The following FREM3 variants were observed in gnomAD, a reference collection of about 807,000 sequenced individuals.
FREM3 encodes the protein FRAS1-related extracellular matrix protein 3.
A neutral mutation model predicts 129.1 loss-of-function variants in FREM3; 105 were observed. The observed-to-expected ratio is 0.81, with a 90% CI of 0.69 to 0.96. The LOEUF is 0.96. FREM3 is among the 40% of genes least tolerant of loss of function. The pLI, the probability that FREM3 is intolerant of heterozygous loss-of-function variation, is 0.00. For synonymous variants in FREM3, 1,014 were observed against 1,044.9 expected (o/e 0.97, Z 0.57); for missense variants, 2,593 against 2,666.3 (o/e 0.97, Z 0.61).
chr4:143,643,355 T>C (rs1247669237), intron 2 of FREM3, among the ~76,000 whole-genome samples: 4 of 152,118 alleles, frequency 2.6e-5, no homozygotes, highest in Non-Finnish European at 5.9e-5. Context: ...AGCCAAGATA[T>C]TGGATCAGTG....
At position 143,621,147 on chromosome 4, in the gene FREM3, A is replaced by C; in HGVS notation, c.5669T>G (p.Ile1890Ser). ...TTCTATTTTGTATTCCGCCTCTGGA[A>C]TATAAACTGTTGATTCTAGAAAAGA... Reference protein sequence around the residue: ...VDPGDESTVYIPEAEYKIEED... With the variant: ...VDPGDESTVYSPEAEYKIEED... Residue 1890 changes from isoleucine (I) to serine (S), a missense_variant, in exon 5 of 8, where the codon ATT (isoleucine) becomes AGT (serine). Physicochemically the swap from Ile to Ser is moderately radical, Grantham distance 142. Transcript: ENST00000329798. 2 of 1,537,186 alleles carry C rather than the reference A, an allele frequency of 1.3e-6. No individual in the cohort carries two copies. Among genetic ancestry groups the C allele is most frequent in the South Asian group, 2.4e-5 (2 of 84,050 alleles).
At chr4:143,615,765 A>C (rs750817997) in intron 5 of FREM3, among the ~76,000 whole-genome samples, 1 of 152,164 alleles carries the variant, frequency 6.6e-6, no homozygotes, top group Non-Finnish European at 1.5e-5. Context: ...ATTAAAAATA[A>C]CTAAAACAAA....
At chr4:143,679,174 T>C (rs1740203820) in intron 2 of FREM3, among the ~76,000 whole-genome samples, 1 of 152,210 alleles carries the variant, frequency 6.6e-6, no homozygotes, top group Admixed American at 6.5e-5. Flanking sequence ...ATTTAAAAAA[T>C]ACCACTAAAT....
intron 2 of FREM3, among the ~76,000 whole-genome samples, chr4:143,665,368 AT>A (rs1739839520): frequency 6.6e-6 from 1 of 152,048 alleles, no homozygotes; most frequent in Admixed American, 6.6e-5. Context: ...TTATTAACTT[AT>A]CCCCCATTAG....
In FREM3 at chr4:143,585,717, G is replaced by T; in HGVS notation, c.6178+127C>A. 2 of 901,202 alleles carry T rather than the reference G, an allele frequency of 2.2e-6. No individual in the cohort carries two copies. Among genetic ancestry groups the T allele is most frequent in the Non-Finnish European group, 3.3e-6 (2 of 612,498 alleles). The allele number at this position is 901,202 out of a possible 1,614,324, so 55.8% of individuals were successfully genotyped here. A position where few individuals can be genotyped will look rare whatever the true frequency, so the allele number is the denominator to read the frequency against. Reference sequence around the variant, plus strand: ...CATTATGTATACAAACCATCTACGTGCTGAAGCCAGAGAAACTTTCATTCA... The same window carrying T: ...CATTATGTATACAAACCATCTACGTTCTGAAGCCAGAGAAACTTTCATTCA... On this transcript the variant is annotated intron_variant, in intron 7 of 7. Transcript: ENST00000329798. The surrounding 1 kb of genome is among the most constrained non-coding windows in gnomAD (Gnocchi z 4.2).
chr4:143,693,044 ATT>A, intron 2 of FREM3, 67 bp downstream of exon 2: 1 of 766,292 alleles, frequency 1.3e-6, no homozygotes, highest in South Asian at 2.2e-5. Context: ...AAATGATTTA[ATT>A]TTTTTTCCAA....
chr4:143,621,295 G>T, intron 4 of FREM3, 133 bp from the exon 5 acceptor site: 1 of 844,368 alleles, frequency 1.2e-6, no homozygotes, highest in Admixed American at 2.8e-5. Flanking sequence ...TAAATATAGT[G>T]AGAATGGGAA....
chr4:143,616,178 A>C (rs1560845625), intron 5 of FREM3, among the ~76,000 whole-genome samples: 1 of 152,234 alleles, frequency 6.6e-6, no homozygotes, highest in Non-Finnish European at 1.5e-5. Flanking sequence ...TGGAATAATA[A>C]CTTTAAAATG....
intron 6 of FREM3, among the ~76,000 whole-genome samples, chr4:143,607,828 T>C (rs1359139529): frequency 6.6e-6 from 1 of 152,158 alleles, no homozygotes; most frequent in East Asian, 1.9e-4. Flanking sequence ...ATAAATTTAT[T>C]CCATTACAGT....
intron 5 of FREM3, among the ~76,000 whole-genome samples, chr4:143,616,776 G>C (rs1040926947): frequency 4.8e-4 from 71 of 147,162 alleles, no homozygotes; most frequent in Non-Finnish European, 8.8e-5. Flanking sequence ...CTGGGCAACA[G>C]AGCGAGACTC....
intron 2 of FREM3, among the ~76,000 whole-genome samples, chr4:143,658,783 G>A (rs78823063): frequency 0.051 from 7,775 of 152,280 alleles, 469 homozygotes; most frequent in East Asian, 0.19. Context: ...TTCTTCTAAA[G>A]TGGCCCAGAA....
chr4:143,699,809 G>A lies in FREM3; in HGVS notation c.867C>T (p.His289=), dbSNP rs758749141. 1.5e-5 allele frequency: 23 copies of A among 1,536,490 alleles called. No individual in the cohort carries two copies. The African/African-American group carries it at 3.1e-4, about 21-fold the overall frequency. ...AGSAGVLVRE[H]FQLLVRIRGG... ...CGCGGATCCTCACGAGCAGCTGGAA[G>A]TGCTCGCGGACCAGCACACCCGCGG... The change falls in exon 1 of 8, where the codon CAC becomes CAT. Residue 289 remains histidine (H), a synonymous_variant. Coordinates refer to ENST00000329798, the MANE Select transcript of FREM3 (RefSeq NM_001168235.2). This position sits in a 1 kb window ranked among gnomAD's most constrained non-coding sequence, Gnocchi z 4.2.
intron 6 of FREM3, among the ~76,000 whole-genome samples, chr4:143,601,092 T>TA (rs111554475): frequency 0.077 from 11,652 of 152,116 alleles, 1,285 homozygotes; most frequent in African/African-American, 0.25. Context: ...TGTTTTATAA[T>TA]ATGACTAGCC....
intron 6 of FREM3, among the ~76,000 whole-genome samples, chr4:143,593,036 A>C (rs1328317006): frequency 3.3e-5 from 5 of 152,174 alleles, no homozygotes; most frequent in African/African-American, 1.2e-4. Context: ...CGCATCGGTT[A>C]CTGAGGCTTG....
At position 143,627,775 on chromosome 4, in the gene FREM3, G is replaced by T; in HGVS notation, c.5276-15C>A. On this transcript the variant is annotated splice_polypyrimidine_tract_variant and intron_variant, in intron 2 of 7. Transcript: ENST00000329798. ...TTTATTTCCTCCTGCAATTGATAGG[G>T]GCAAAGGAAAAGTCAGCTGGAGTAT... 1 of 1,527,594 alleles carries T rather than the reference G, an allele frequency of 6.5e-7. No individual in the cohort carries two copies. The highest frequency in any genetic ancestry group is 8.8e-7 in the Non-Finnish European group (1 of 1,139,468). 94.6% of individuals were successfully genotyped at this position (1,527,594 alleles called of 1,614,324 possible). A position where few individuals can be genotyped will look rare whatever the true frequency, so the allele number is the denominator to read the frequency against.
At position 143,592,127 on chromosome 4, in the gene FREM3, T is replaced by C. The variant is rs567766632; in HGVS notation, c.6029-6134A>G. Among the ~76,000 whole-genome samples the C allele has an allele frequency of 1.0e-3, 157 of 152,232 alleles. 1 individual carries two copies. Among genetic ancestry groups the C allele is most frequent in the Non-Finnish European group, 2.1e-3 (144 of 68,040 alleles). On this transcript the variant is annotated intron_variant, in intron 6 of 7. Transcript: ENST00000329798. ...CCTCCATCCCTTTATTTTGAGCCTATGTGTGTCTCTGCACGTGAGATGGGT... is the reference window on the plus strand; with the variant it reads ...CCTCCATCCCTTTATTTTGAGCCTACGTGTGTCTCTGCACGTGAGATGGGT...
intron 3 of FREM3, among the ~76,000 whole-genome samples, chr4:143,625,710 C>T (rs915878679): frequency 3.3e-5 from 5 of 152,166 alleles, no homozygotes; most frequent in African/African-American, 1.2e-4. Context: ...AACATTGTCT[C>T]TGTGTGAGGT....
intron 6 of FREM3, among the ~76,000 whole-genome samples, chr4:143,597,003 T>G (rs2149836564): frequency 6.6e-6 from 1 of 152,148 alleles, no homozygotes; most frequent in South Asian, 2.1e-4. Context: ...CAGATTGGGG[T>G]TAATCCTATA....
intron 1 of FREM3, 89 bp downstream of exon 1, chr4:143,695,402 G>A (rs1740545903): frequency 9.0e-7 from 1 of 1,113,496 alleles, no homozygotes; most frequent in African/African-American, 1.6e-5. Context: ...ACTGCAAATG[G>A]CTGAGATCAG....
Sources: gnomAD v4.1 joint callset for allele counts (sites outside exome capture counted in the v4.1 genomes callset) on GRCh38, gnomAD v4.1.1 for gene constraint, Gnocchi (gnomAD v3.1) non-coding constraint, MANE v1.5 for transcripts, NCBI Gene and HGNC (gene_info 2026-07-23, HGNC 2026-07-21) for gene names.